The following TENM2 variants were observed in gnomAD, a reference collection of about 807,000 sequenced individuals.
TENM2 encodes teneurin transmembrane protein 2.
In TENM2, 52 loss-of-function variants were observed where a neutral mutation model predicts 245.2. The ratio of observed to expected loss-of-function variants is 0.21; its 90% CI spans 0.17 to 0.27. The LOEUF is 0.27. Ranked by LOEUF, TENM2 falls within the 10% of genes least tolerant of loss-of-function variation. The probability of loss-of-function intolerance (pLI) is 1.00; values close to 1 mark genes in which losing one functional copy is unlikely to be tolerated. For missense variants in TENM2, 3,046 were observed against 3,666.8 expected, an observed-to-expected ratio of 0.83 and a Z score of 4.37; for synonymous variants, 1,363 against 1,438.9, an observed-to-expected ratio of 0.95 and a Z score of 1.19.
the TENM2 span, among the ~76,000 whole-genome samples, chr5:167,081,138 C>A: frequency 2.0e-5 from 3 of 151,616 alleles, no homozygotes; most frequent in African/African-American, 7.3e-5. Context: ...TCAATATCTT[C>A]AAGCAGAAGA....
chr5:168,041,507 A>C (rs1313588723), intron 5 of TENM2, among the ~76,000 whole-genome samples: 1 of 152,164 alleles, frequency 6.6e-6, no homozygotes, highest in African/African-American at 2.4e-5. Flanking sequence ...CTGCTTTCTC[A>C]ATTCCTTTAT....
the TENM2 span, among the ~76,000 whole-genome samples, chr5:167,034,832 A>G: frequency 2.0e-5 from 3 of 152,138 alleles, no homozygotes; most frequent in Admixed American, 2.0e-4. Flanking sequence ...AGAAATTCTC[A>G]GCTACAGTGA....
the TENM2 span, among the ~76,000 whole-genome samples, chr5:167,038,860 T>G: frequency 6.6e-6 from 1 of 152,294 alleles, no homozygotes; most frequent in South Asian, 2.1e-4. Flanking sequence ...TATTTGAGAT[T>G]TGCTTTTTAT....
intron 27 of TENM2, among the ~76,000 whole-genome samples, chr5:168,254,864 T>C (rs777517669): frequency 1.3e-5 from 2 of 151,990 alleles, no homozygotes; most frequent in Non-Finnish European, 2.9e-5. Flanking sequence ...CTGGCCAACA[T>C]AGCAAAACTC....
chr5:168,184,646 A>G (rs1390273561), intron 13 of TENM2, among the ~76,000 whole-genome samples: 4 of 152,222 alleles, frequency 2.6e-5, no homozygotes, highest in Non-Finnish European at 4.4e-5. Flanking sequence ...TGATGATGCA[A>G]GAATTCACAC....
the TENM2 span, among the ~76,000 whole-genome samples, chr5:167,027,251 CT>C: frequency 6.6e-6 from 1 of 152,040 alleles, no homozygotes; most frequent in South Asian, 2.1e-4. Context: ...TTGAGAGTTA[CT>C]TTTGGTTTTT....
chr5:168,241,823 T>C (rs746240294), intron 25 of TENM2, among the ~76,000 whole-genome samples: 1 of 152,216 alleles, frequency 6.6e-6, no homozygotes, highest in Non-Finnish European at 1.5e-5. Context: ...TGTATCAATT[T>C]AGATTTGTTT....
chr5:167,440,681 C>A (rs1764827139), intron 2 of TENM2, among the ~76,000 whole-genome samples: 1 of 152,026 alleles, frequency 6.6e-6, no homozygotes, highest in South Asian at 2.1e-4. Flanking sequence ...TTTTAATTTT[C>A]TTTTCCTTAT....
intron 24 of TENM2, 135 bp from the exon 27 acceptor site, chr5:168,227,760 T>C (rs1764353371): frequency 1.0e-5 from 6 of 595,716 alleles, no homozygotes; most frequent in Admixed American, 3.0e-5. Flanking sequence ...TGTGTGCTAA[T>C]TGAAGGCAGC....
chr5:167,437,529 C>A lies in TENM2; in HGVS notation c.502+62056C>A, dbSNP rs140507035. ...TGAAATGAGTTAAGATTTTGGGGGA[C>A]TGTTGGGAAGACATGATTGGTTTTG... is the stretch of plus-strand genomic sequence containing the variant. On this transcript the variant is annotated intron_variant, in intron 2 of 28. Coordinates refer to ENST00000518659, the Ensembl canonical transcript of TENM2. Among the ~76,000 whole-genome samples the A allele has an allele frequency of 6.3e-4, 96 of 152,058 alleles. 1 individual carries two copies. In the East Asian group the frequency reaches 0.018, roughly 29 times the overall value.
intron 2 of TENM2, among the ~76,000 whole-genome samples, chr5:167,627,490 C>A (rs1233837129): frequency 6.6e-6 from 1 of 152,024 alleles, no homozygotes; most frequent in Non-Finnish European, 1.5e-5. Context: ...TTGATACACC[C>A]CAGTAAGTCT....
At chr5:167,358,803 GCACA>G (rs58530155) in intron 1 of TENM2, among the ~76,000 whole-genome samples, 2,953 of 143,886 alleles carry the variant, frequency 0.021, 54 homozygotes, top group East Asian at 0.046. Context: ...ATTCTGATCT[GCACA>G]CACACACACA....
chr5:167,944,283 T>C (rs950418945), intron 3 of TENM2, among the ~76,000 whole-genome samples: 11 of 152,196 alleles, frequency 7.2e-5, no homozygotes, highest in Non-Finnish European at 1.6e-4. Context: ...CAAATGTCCC[T>C]GCCTGTGCCT....
At chr5:167,937,136 T>C (rs1034615203) in intron 3 of TENM2, among the ~76,000 whole-genome samples, 1 of 152,258 alleles carries the variant, frequency 6.6e-6, no homozygotes, top group Non-Finnish European at 1.5e-5. Context: ...GGTGAGAACA[T>C]TTAAAATCTA....
chr5:166,987,842 G>C, the TENM2 span, among the ~76,000 whole-genome samples: 2 of 152,180 alleles, frequency 1.3e-5, no homozygotes, highest in Non-Finnish European at 1.5e-5. Flanking sequence ...GATTGGAATT[G>C]AGAAGGAGAG....
intron 2 of TENM2, among the ~76,000 whole-genome samples, chr5:167,423,256 G>A (rs1412877842): frequency 6.6e-6 from 1 of 152,132 alleles, no homozygotes; most frequent in Admixed American, 6.6e-5. Flanking sequence ...AGCAAAGTTA[G>A]CTGCCTGAAA....
chr5:167,364,531 A>T (rs1177438847), intron 1 of TENM2, among the ~76,000 whole-genome samples: 1 of 152,144 alleles, frequency 6.6e-6, no homozygotes, highest in Non-Finnish European at 1.5e-5. Flanking sequence ...TTAAATAACA[A>T]GACCTAATTA....
chr5:167,952,252 T>C (rs1780170594), intron 3 of TENM2: 2 of 401,460 alleles, frequency 5.0e-6, no homozygotes, highest in Non-Finnish European at 9.1e-6. Context: ...AGGGACTTGC[T>C]ACGCCAGCGA....
intron 2 of TENM2, among the ~76,000 whole-genome samples, chr5:167,663,182 G>GAGAGAGAGAGAGAA (rs1554097413): frequency 1.5e-5 from 2 of 137,522 alleles, no homozygotes; most frequent in Non-Finnish European, 3.1e-5. Flanking sequence ...GAGAGAGAGA[G>GAGAGAGAGAGAGAA]AGAGAAAGAG....
Sources: gnomAD v4.1 joint callset for allele counts (sites outside exome capture counted in the v4.1 genomes callset) on GRCh38, gnomAD v4.1.1 for gene constraint, MANE v1.5 for transcripts, NCBI Gene and HGNC (gene_info 2026-07-23, HGNC 2026-07-21) for gene names.